Variants in VWA2 observed in about 807,000 individuals in gnomAD.
VWA2 encodes von Willebrand factor A domain-containing protein 2.
A neutral mutation model predicts 70.4 loss-of-function variants in VWA2; 73 were observed. The ratio of observed to expected loss-of-function variants is 1.04; its 90% CI spans 0.86 to 1.26. VWA2 has a LOEUF of 1.26. Ranked by LOEUF, VWA2 falls within the 50% of genes most tolerant of loss-of-function variation. The pLI is 0.00. For missense variants in VWA2, 1,011 were observed against 998.5 expected, an observed-to-expected ratio of 1.01 and a Z score of -0.17; for synonymous variants, 407 against 423.3, an observed-to-expected ratio of 0.96 and a Z score of 0.47.
chr10:114,256,989 A>G (rs911157043), intron 4 of VWA2, among the ~76,000 whole-genome samples: 2 of 152,018 alleles, frequency 1.3e-5, no homozygotes, highest in Non-Finnish European at 2.9e-5. Context: ...GACTGGTTGC[A>G]TACAGGTTGA....
chr10:114,284,070 A>G (rs2038540002), intron 9 of VWA2, among the ~76,000 whole-genome samples: 1 of 152,202 alleles, frequency 6.6e-6, no homozygotes, highest in African/African-American at 2.4e-5. Context: ...TTTTAGCTGC[A>G]CTTTGTAATA....
intron 4 of VWA2, among the ~76,000 whole-genome samples, chr10:114,258,674 T>C (rs1408350139): frequency 6.6e-6 from 1 of 152,210 alleles, no homozygotes; most frequent in Non-Finnish European, 1.5e-5. Context: ...ATGGGTTCAA[T>C]AAAAAGATGT....
chr10:114,273,015 GGA>G, intron 6 of VWA2, 81 bp downstream of exon 6: 1 of 1,317,680 alleles, frequency 7.6e-7, no homozygotes, highest in Non-Finnish European at 1.0e-6. Context: ...GGAAGGGAGG[GGA>G]CTGGAAGAGC....
At chr10:114,247,922 T>G (rs1386682021) in intron 1 of VWA2, among the ~76,000 whole-genome samples, 2 of 151,664 alleles carry the variant, frequency 1.3e-5, no homozygotes, top group East Asian at 3.9e-4. Flanking sequence ...GTGGTGAAGT[T>G]TTTTTTTAAA....
chr10:114,288,023 A>T (rs547810692), intron 11 of VWA2, among the ~76,000 whole-genome samples: 4 of 152,274 alleles, frequency 2.6e-5, no homozygotes, highest in African/African-American at 9.6e-5. Context: ...TCAGAGCATC[A>T]GCTCCTCTAA....
At chr10:114,266,511 T>C (rs2037570039) in intron 5 of VWA2, among the ~76,000 whole-genome samples, 1 of 151,994 alleles carries the variant, frequency 6.6e-6, no homozygotes. Context: ...ACCGAGGCAG[T>C]CCCCCAAAAG....
At chr10:114,274,798 G>T (rs573876056) in intron 6 of VWA2, among the ~76,000 whole-genome samples, 23 of 152,166 alleles carry the variant, frequency 1.5e-4, no homozygotes, top group African/African-American at 5.5e-4. Context: ...CCTGGCGTTG[G>T]CTTAGGATAT....
At position 114,272,983 on chromosome 10, in the gene VWA2, G is replaced by T. The variant is rs752157201; in HGVS notation, c.566+49G>T. The T allele has an allele frequency of 5.9e-6, 9 of 1,530,990 alleles. No individual in the cohort carries two copies. In the East Asian group the frequency reaches 6.9e-5, roughly 12 times the overall value. The allele number at this position is 1,530,990 out of a possible 1,614,324, so 94.8% of individuals were successfully genotyped here. On this transcript the variant is annotated intron_variant, in intron 6 of 13. Coordinates refer to ENST00000392982, the MANE Select transcript of VWA2 (RefSeq NM_001272046.2). ...TCAGCCCTCAGGTGGTCAGCCTGGGGATCGTGACATGGCCATGGGAGGGAA... is the reference window on the plus strand; with the variant it reads ...TCAGCCCTCAGGTGGTCAGCCTGGGTATCGTGACATGGCCATGGGAGGGAA...
At chr10:114,290,490 T>C in intron 13 of VWA2, 125 bp downstream of exon 13, 2 of 1,360,400 alleles carry the variant, frequency 1.5e-6, no homozygotes, top group Admixed American at 4.3e-5. Context: ...TATTCAGTCG[T>C]TTACCCACGA....
At chr10:114,287,946 G>A (rs760296866) in intron 11 of VWA2, among the ~76,000 whole-genome samples, 21 of 152,212 alleles carry the variant, frequency 1.4e-4, no homozygotes, top group Admixed American at 7.2e-4. Flanking sequence ...GTAGTCAGCC[G>A]CCTTCCCCGT....
intron 1 of VWA2, among the ~76,000 whole-genome samples, chr10:114,248,281 G>C (rs144440929): frequency 5.2e-4 from 79 of 152,284 alleles, no homozygotes; most frequent in African/African-American, 1.9e-3. Flanking sequence ...TTGAAAATCA[G>C]ATCTTCAGCC....
At chr10:114,291,196 C>G in intron 13 of VWA2, 22 bp from the exon 14 acceptor site, 4 of 1,550,438 alleles carry the variant, frequency 2.6e-6, no homozygotes, top group Non-Finnish European at 3.5e-6. Context: ...CTCCTGTCCT[C>G]AGACTTCACT....
At chr10:114,240,471 A>C (rs1464303257) in intron 1 of VWA2, among the ~76,000 whole-genome samples, 1 of 152,242 alleles carries the variant, frequency 6.6e-6, no homozygotes, top group Non-Finnish European at 1.5e-5. Context: ...TGGGGACCTC[A>C]TGCCATGTGT....
At position 114,254,951 on chromosome 10, in the gene VWA2, T is replaced by C; in HGVS notation, c.164T>C (p.Leu55Pro). The change falls in exon 4 of 14, where the codon CTG (leucine) becomes CCG (proline). Residue 55 changes from leucine to proline, a missense_variant. By Grantham distance (98) the Leu-to-Pro change is moderately conservative. Transcript: ENST00000392982. ...WCSAAVDIMF[L>P]LDGSNSVGKG... is the part of the protein sequence containing the mutation. Reference sequence around the variant, plus strand: ...TCGGCTGCAGTGGACATCATGTTTCTGTTAGATGGGTCTAACAGCGTCGGG... The same window carrying C: ...TCGGCTGCAGTGGACATCATGTTTCCGTTAGATGGGTCTAACAGCGTCGGG... 6.8e-6 allele frequency: 11 copies of C among 1,613,510 alleles called. No individual in the cohort carries two copies. The highest frequency in any genetic ancestry group is 9.3e-6 in the Non-Finnish European group (11 of 1,179,960).
At chr10:114,282,816 G>A (rs1441699195) in intron 9 of VWA2, among the ~76,000 whole-genome samples, 3 of 152,194 alleles carry the variant, frequency 2.0e-5, no homozygotes, top group East Asian at 3.8e-4. Flanking sequence ...ATTGGTGAGA[G>A]GCAGAGAGGC....
chr10:114,254,003 T>C (rs2037264852), intron 3 of VWA2, among the ~76,000 whole-genome samples: 1 of 150,726 alleles, frequency 6.6e-6, no homozygotes, highest in African/African-American at 2.4e-5. Flanking sequence ...GATTGCGCCA[T>C]TGCACTCCAG....
chr10:114,263,047 A>G (rs1422301287), intron 5 of VWA2, among the ~76,000 whole-genome samples: 11 of 152,158 alleles, frequency 7.2e-5, no homozygotes, highest in Admixed American at 5.9e-4. Flanking sequence ...GCACAGTCTC[A>G]CTGTGTTGCC....
rs762922848 is a variant in VWA2 at position 114,278,027 on chromosome 10, T to C, written c.680T>C (p.Ile227Thr). The part of the protein sequence containing the change: ...GLFSTLSSSA[I>T]CSSATPDCRV... Reference sequence around the variant, plus strand: ...TTCAGCACCCTCAGCAGCTCGGCCATCTGCTCCAGCGCCACGCCAGGTAAG... The same window carrying C: ...TTCAGCACCCTCAGCAGCTCGGCCACCTGCTCCAGCGCCACGCCAGGTAAG... Residue 227 changes from isoleucine (I) to threonine (T), a missense_variant, in exon 7 of 14, where the codon ATC (isoleucine) becomes ACC (threonine). By Grantham distance (89) the Ile-to-Thr change is moderately conservative. Transcript: ENST00000392982. 20 of 1,612,408 alleles carry C rather than the reference T, an allele frequency of 1.2e-5. No individual in the cohort carries two copies. Among genetic ancestry groups the C allele is most frequent in the Non-Finnish European group, 1.5e-5 (18 of 1,178,872 alleles).
rs1222754508 is a variant in VWA2, at chr10:114,293,925, A to G, written c.*2688A>G. Among the ~76,000 whole-genome samples, 2 of 152,136 alleles carry G rather than the reference A, an allele frequency of 1.3e-5. No homozygotes were observed. Among genetic ancestry groups the G allele is most frequent in the East Asian group, 3.8e-4 (2 of 5,202 alleles). ...TCCATATCTGGTTCTTGACTTTTTCATCATAATAATTGTTTTCTATGGGTT... is the reference window on the plus strand; with the variant it reads ...TCCATATCTGGTTCTTGACTTTTTCGTCATAATAATTGTTTTCTATGGGTT... On this transcript the variant is annotated 3_prime_UTR_variant, in exon 14 of 14. Transcript: ENST00000392982.
Sources: gnomAD v4.1 joint callset for allele counts (sites outside exome capture counted in the v4.1 genomes callset) on GRCh38, gnomAD v4.1.1 for gene constraint, MANE v1.5 for transcripts, NCBI Gene and HGNC (gene_info 2026-07-23, HGNC 2026-07-21) for gene names.